KCNIP4: variants seen among roughly 807,000 people sequenced by gnomAD.
KCNIP4 encodes Kv channel-interacting protein 4.
A neutral mutation model predicts 34.0 loss-of-function variants in KCNIP4; 12 were observed. The observed-to-expected ratio is 0.35, with a 90% CI of 0.23 to 0.57. The LOEUF (loss-of-function observed/expected upper bound fraction) is 0.57. Among genes scored for constraint, KCNIP4 ranks in the 20% least tolerant of loss-of-function variants. KCNIP4 has a pLI of 0.83. For synonymous variants in KCNIP4, 124 were observed against 102.2 expected, an observed-to-expected ratio of 1.21 and a Z score of -1.29; for missense variants, 238 against 311.7, an observed-to-expected ratio of 0.76 and a Z score of 1.78.
intron 1 of KCNIP4, among the ~76,000 whole-genome samples, chr4:21,669,085 T>C (rs767922506): frequency 1.3e-5 from 2 of 152,166 alleles, no homozygotes; most frequent in Non-Finnish European, 2.9e-5. Flanking sequence ...ACTTAATGCA[T>C]AGTAGACATT....
intron 1 of KCNIP4, among the ~76,000 whole-genome samples, chr4:21,145,301 A>G (rs1366363756): frequency 6.6e-6 from 1 of 152,208 alleles, no homozygotes; most frequent in Non-Finnish European, 1.5e-5. Context: ...AAATTAAGCA[A>G]TGGAAGGTCT....
chr4:21,728,322 A>G (rs1328557156), intron 1 of KCNIP4, among the ~76,000 whole-genome samples: 1 of 152,114 alleles, frequency 6.6e-6, no homozygotes, highest in Non-Finnish European at 1.5e-5. Flanking sequence ...GGTTAAGTCA[A>G]ATAAGGCGTT....
At chr4:20,862,622 A>C (rs1206125230) in intron 2 of KCNIP4, among the ~76,000 whole-genome samples, 1 of 152,128 alleles carries the variant, frequency 6.6e-6, no homozygotes. Context: ...ACTTTGATAG[A>C]TTTTCTCTTA....
At chr4:21,332,616 T>C (rs1715768620) in intron 1 of KCNIP4, among the ~76,000 whole-genome samples, 1 of 151,988 alleles carries the variant, frequency 6.6e-6, no homozygotes, top group Non-Finnish European at 1.5e-5. Flanking sequence ...TTTTTCTATC[T>C]CCACTCTCAT....
intron 1 of KCNIP4, among the ~76,000 whole-genome samples, chr4:21,560,552 T>C (rs926818554): frequency 2.0e-5 from 3 of 152,124 alleles, no homozygotes; most frequent in Non-Finnish European, 4.4e-5. Flanking sequence ...ATTTTATTTA[T>C]GTTAAGCAAC....
intron 1 of KCNIP4, among the ~76,000 whole-genome samples, chr4:21,122,078 T>C (rs4361384): frequency 0.097 from 14,817 of 152,220 alleles, 904 homozygotes; most frequent in African/African-American, 0.16. Flanking sequence ...ATTACTGGAA[T>C]GATTAGGTAA....
intron 6 of KCNIP4, 139 bp downstream of exon 6, chr4:20,734,489 G>T: frequency 2.1e-6 from 1 of 467,522 alleles, no homozygotes; most frequent in Non-Finnish European, 3.8e-6. Flanking sequence ...GTTTTTAATT[G>T]TACATCTTTC....
chr4:20,937,002 G>A (rs746349341), intron 1 of KCNIP4, among the ~76,000 whole-genome samples: 4 of 151,956 alleles, frequency 2.6e-5, no homozygotes, highest in Non-Finnish European at 5.9e-5. Flanking sequence ...AAAGCGTAAC[G>A]TTCTTGGTGT....
intron 3 of KCNIP4, among the ~76,000 whole-genome samples, chr4:20,843,463 C>T (rs540594960): frequency 2.6e-5 from 4 of 152,294 alleles, no homozygotes; most frequent in Non-Finnish European, 5.9e-5. Context: ...GGCATAGTGG[C>T]TCATGCTTGT....
At chr4:21,576,775 T>A (rs1740770132) in intron 1 of KCNIP4, among the ~76,000 whole-genome samples, 1 of 152,174 alleles carries the variant, frequency 6.6e-6, no homozygotes, top group Admixed American at 6.5e-5. Context: ...ATAATAATTA[T>A]CTTATATTAA....
At chr4:21,318,242 G>T (rs114679467) in intron 1 of KCNIP4, among the ~76,000 whole-genome samples, 111 of 152,276 alleles carry the variant, frequency 7.3e-4, no homozygotes, top group Non-Finnish European at 1.2e-3. Flanking sequence ...TCATGTAAAG[G>T]TTTGCTAGGG....
At chr4:21,320,981 A>G (rs1240553654) in intron 1 of KCNIP4, among the ~76,000 whole-genome samples, 1 of 151,544 alleles carries the variant, frequency 6.6e-6, no homozygotes, top group Non-Finnish European at 1.5e-5. Context: ...AAAAAAAAAA[A>G]AGAGGAAAGT....
chr4:21,410,632 C>T (rs1724419784), intron 1 of KCNIP4, among the ~76,000 whole-genome samples: 1 of 152,190 alleles, frequency 6.6e-6, no homozygotes, highest in South Asian at 2.1e-4. Flanking sequence ...CTTGGACCAA[C>T]ACCTTGACTG....
At chr4:21,082,206 T>C (rs1232387801) in intron 1 of KCNIP4, among the ~76,000 whole-genome samples, 1 of 151,740 alleles carries the variant, frequency 6.6e-6, no homozygotes, top group Non-Finnish European at 1.5e-5. Context: ...TTTAAGAGTT[T>C]AAAGGAAAAC....
Position 21,087,453 on chromosome 4 carries a change from A to T in KCNIP4, c.62-204744T>A, listed in dbSNP as rs182561512. ...CAGACTCACAAAGTGCTGGGATTAT[A>T]ATTTTTGTGTTTTTAGTAGACATGG... On this transcript the variant is annotated intron_variant, in intron 1 of 8. Coordinates refer to ENST00000382152, the MANE Select transcript of KCNIP4 (RefSeq NM_025221.6). Among the ~76,000 whole-genome samples, 6 of 151,934 alleles carry T rather than the reference A, an allele frequency of 3.9e-5. No individual in the cohort carries two copies. The East Asian group carries it at 7.8e-4, about 20-fold the overall frequency.
chr4:21,323,043 T>C (rs936440061), intron 1 of KCNIP4, among the ~76,000 whole-genome samples: 7 of 151,744 alleles, frequency 4.6e-5, no homozygotes, highest in African/African-American at 1.7e-4. Flanking sequence ...CCCTAATGAC[T>C]TCTGGTGATG....
rs1178518592 is a variant in KCNIP4 at position 21,154,317 on chromosome 4, T to C, written c.62-271608A>G. On this transcript the variant is annotated intron_variant, in intron 1 of 8. Transcript: ENST00000382152. ...ATGACACAAATATGTATAACTATTA[T>C]GTATTCATAAAAATAAAATATTAAA... 2.0e-5 allele frequency among the ~76,000 whole-genome samples: 3 copies of C among 152,332 alleles called. No individual in the cohort carries two copies. In the East Asian group the frequency reaches 5.8e-4, roughly 29 times the overall value.
chr4:20,943,880 A>C (rs1731911248), intron 1 of KCNIP4, among the ~76,000 whole-genome samples: 2 of 152,196 alleles, frequency 1.3e-5, no homozygotes, highest in Non-Finnish European at 2.9e-5. Context: ...ATCTAGAATA[A>C]AATGTGCAAG....
intron 1 of KCNIP4, among the ~76,000 whole-genome samples, chr4:21,112,474 G>A (rs577481780): frequency 6.6e-6 from 1 of 152,288 alleles, no homozygotes; most frequent in South Asian, 2.1e-4. Flanking sequence ...CTAAGCTTTT[G>A]TGCCATTTTG....
Sources: gnomAD v4.1 joint callset for allele counts (sites outside exome capture counted in the v4.1 genomes callset) on GRCh38, gnomAD v4.1.1 for gene constraint, MANE v1.5 for transcripts, NCBI Gene and HGNC (gene_info 2026-07-23, HGNC 2026-07-21) for gene names.